PPP1R9B: variants seen among roughly 807,000 people sequenced by gnomAD.
PPP1R9B encodes protein phosphatase 1 regulatory subunit 9B, also known as neurabin-2.
PPP1R9B carries 17 observed loss-of-function variants against 75.8 expected under a neutral mutation model. That is an observed-to-expected ratio of 0.22 (90% confidence interval 0.15 to 0.34). The LOEUF (loss-of-function observed/expected upper bound fraction) is 0.34. Ranked by LOEUF, PPP1R9B falls within the 10% of genes least tolerant of loss-of-function variation. The pLI, the probability that PPP1R9B is intolerant of heterozygous loss-of-function variation, is 1.00. For synonymous variants in PPP1R9B, 509 were observed against 535.4 expected, an observed-to-expected ratio of 0.95 and a Z score of 0.68; for missense variants, 875 against 1,196.0, an observed-to-expected ratio of 0.73 and a Z score of 3.96.
At chr17:50,135,834 C>T (rs1043451887) in intron 8 of PPP1R9B, 134 bp downstream of exon 8, 12 of 883,708 alleles carry the variant, frequency 1.4e-5, no homozygotes, top group South Asian at 1.0e-4. Context: ...CTGGTCATTC[C>T]GGACCGGGTG....
Position 50,139,114 on chromosome 17 carries a change from C to T in PPP1R9B, c.2073+149G>A, listed in dbSNP as rs893992217. ...GATCCAGAGCTTAAGCTCTTAATAT[C>T]GTATCTATCATATCATCTTGCTTTA... On this transcript the variant is annotated intron_variant, in intron 7 of 9. Transcript: ENST00000612501. The surrounding 1 kb of genome is among the most constrained non-coding windows in gnomAD (Gnocchi z 5.0). The T allele has an allele frequency of 3.4e-5, 29 of 845,468 alleles. No homozygotes were observed. The highest frequency in any genetic ancestry group is 1.4e-4 in the South Asian group (9 of 66,492). 52.4% of individuals were successfully genotyped at this position (845,468 alleles called of 1,614,324 possible).
In PPP1R9B at chr17:50,149,222, C is replaced by A; in HGVS notation, c.1292G>T (p.Cys431Phe). The change falls in exon 1 of 10, where the codon TGC becomes TTC. Residue 431 changes from cysteine to phenylalanine, a missense_variant. Around this residue, in one of 4 missense-constraint regions of PPP1R9B, gnomAD observed 449 missense variants for 475.0 expected, o/e 0.95. Transcript: ENST00000612501. The surrounding 1 kb of genome is among the most constrained non-coding windows in gnomAD (Gnocchi z 7.2). ...CTCCGACAGCCCCGGGATCTCCACG[C>A]ACCCCGACTCGGGCTCGTAGGGGGG... ...GEPPYEPESG[C>F]VEIPGLSEEE... The A allele has an allele frequency of 6.2e-7, 1 of 1,609,438 alleles. No homozygotes were observed. The highest frequency in any genetic ancestry group is 8.5e-7 in the Non-Finnish European group (1 of 1,178,216).
Position 50,134,988 on chromosome 17 carries a change from G to T in PPP1R9B, c.*343C>A. The T allele has an allele frequency of 3.2e-6, 1 of 313,532 alleles. No homozygotes were observed. The highest frequency in any genetic ancestry group is 4.0e-5 in the South Asian group (1 of 25,204). 19.4% of individuals were successfully genotyped at this position (313,532 alleles called of 1,614,324 possible). A position where few individuals can be genotyped will look rare whatever the true frequency, so the allele number is the denominator to read the frequency against. ...AGAGCCCCAGCCCCGTTCCAGTCCA[G>T]AGACAAAAGCTGGAGTGTGTAAAGT... On this transcript the variant is annotated 3_prime_UTR_variant, in exon 10 of 10. Coordinates refer to ENST00000612501, the MANE Select transcript of PPP1R9B (RefSeq NM_032595.5).
At position 50,135,289 on chromosome 17, in the gene PPP1R9B, G is replaced by A; in HGVS notation, c.*42C>T. 3 of 1,549,098 alleles carry A rather than the reference G, an allele frequency of 1.9e-6. No homozygotes were observed. Among genetic ancestry groups the A allele is most frequent in the Non-Finnish European group, 1.8e-6 (2 of 1,122,126 alleles). ...TTGAGGACAGGGGAGGGAGGACAATGGGAGGGGGGTTAATTATTGTCCAGT... is the reference window on the plus strand; with the variant it reads ...TTGAGGACAGGGGAGGGAGGACAATAGGAGGGGGGTTAATTATTGTCCAGT... On this transcript the variant is annotated 3_prime_UTR_variant, in exon 10 of 10. Transcript: ENST00000612501.
rs907330241 is a variant in PPP1R9B, at chr17:50,134,202, G to T, written c.*1129C>A. ...CCTCCCTTGGTCCAAGCCCCAATTT[G>T]GGGTTAAAGTGGGGAAACAGAGTCG... On this transcript the variant is annotated 3_prime_UTR_variant, in exon 10 of 10. Coordinates refer to ENST00000612501, the MANE Select transcript of PPP1R9B (RefSeq NM_032595.5). 3.9e-5 allele frequency: 6 copies of T among 152,642 alleles called. No homozygotes were observed. The highest frequency in any genetic ancestry group is 1.4e-4 in the African/African-American group (6 of 41,448). 9.5% of individuals were successfully genotyped at this position (152,642 alleles called of 1,614,324 possible).
At position 50,139,539 on chromosome 17, in the gene PPP1R9B, T is replaced by G; in HGVS notation, c.1909A>C (p.Thr637Pro). ...ATDEDEELSP[T>P]FPGGEMAIEV... ...ATGGCCATCTCACCACCCGGGAACGTGGGGCTCAGCTCCTCATCCTCGTCA... is the reference window on the plus strand; with the variant it reads ...ATGGCCATCTCACCACCCGGGAACGGGGGGCTCAGCTCCTCATCCTCGTCA... The change falls in exon 6 of 10, where the codon ACG becomes CCG. Residue 637 changes from threonine (T) to proline (P), a missense_variant. Physicochemically the swap from Thr to Pro is conservative, Grantham distance 38. Transcript: ENST00000612501. The surrounding 1 kb of genome is among the most constrained non-coding windows in gnomAD (Gnocchi z 5.0). 2 of 1,591,120 alleles carry G rather than the reference T, an allele frequency of 1.3e-6. No homozygotes were observed. Among genetic ancestry groups the G allele is most frequent in the Non-Finnish European group, 1.7e-6 (2 of 1,167,210 alleles).
At chr17:50,148,028 A>G (rs1460035694) in intron 1 of PPP1R9B, among the ~76,000 whole-genome samples, 5 of 151,558 alleles carry the variant, frequency 3.3e-5, no homozygotes, top group Non-Finnish European at 5.9e-5. Context: ...CATGGGGCGG[A>G]CCTGGGGCCG....
Position 50,149,194 on chromosome 17 carries a change from C to T in PPP1R9B, c.1320G>A (p.Glu440=). The change falls in exon 1 of 10, where the codon GAG becomes GAA. Residue 440 remains glutamate (E), a synonymous_variant. Coordinates refer to ENST00000612501, the MANE Select transcript of PPP1R9B (RefSeq NM_032595.5). This position sits in a 1 kb window ranked among gnomAD's most constrained non-coding sequence, Gnocchi z 7.2. The part of the protein sequence containing the change: ...GCVEIPGLSE[E]EDPAPSRKIH... ...TCTTCCGGCTCGGGGCTGGGTCCTC[C>T]TCCTCCGACAGCCCCGGGATCTCCA... 1.3e-6 allele frequency: 2 copies of T among 1,592,714 alleles called. No individual in the cohort carries two copies. The highest frequency in any genetic ancestry group is 1.7e-6 in the Non-Finnish European group (2 of 1,170,242).
rs1912401207 is a variant in PPP1R9B, at chr17:50,142,127, T to C, written c.1626-754A>G. Among the ~76,000 whole-genome samples the C allele has an allele frequency of 6.6e-6, 1 of 152,164 alleles. No individual in the cohort carries two copies. The highest frequency in any genetic ancestry group is 2.4e-5 in the African/African-American group (1 of 41,436). On this transcript the variant is annotated intron_variant, in intron 3 of 9. Transcript: ENST00000612501. The surrounding 1 kb of genome is among the most constrained non-coding windows in gnomAD (Gnocchi z 4.1). ...CACACACACCTGATACAGGTGCACCTGCCGACACACTCCAGTTGTGTCCCC... is the reference window on the plus strand; with the variant it reads ...CACACACACCTGATACAGGTGCACCCGCCGACACACTCCAGTTGTGTCCCC...
rs1460453029 is a variant in PPP1R9B, at chr17:50,150,184, C to T, written c.330G>A (p.Leu110=). The T allele has an allele frequency of 6.9e-7, 1 of 1,457,748 alleles. No homozygotes were observed. The highest frequency in any genetic ancestry group is 3.1e-5 in the East Asian group (1 of 32,452). The allele number at this position is 1,457,748 out of a possible 1,614,324, so 90.3% of individuals were successfully genotyped here. A position where few individuals can be genotyped will look rare whatever the true frequency, so the allele number is the denominator to read the frequency against. ...CCGACACGCTGGTGCCCAGCTTCAG[C>T]AGGGCGCTGTGGTCCACGTTCTCGT... ...SLNENVDHSA[L]LKLGTSVSER... is the part of the protein sequence containing the mutation. Residue 110 remains leucine (L), a synonymous_variant, in exon 1 of 10, where the codon CTG becomes CTA. Coordinates refer to ENST00000612501, the MANE Select transcript of PPP1R9B (RefSeq NM_032595.5). This position sits in a 1 kb window ranked among gnomAD's most constrained non-coding sequence, Gnocchi z 8.7.
intron 4 of PPP1R9B, 75 bp from the exon 5 acceptor site, chr17:50,140,303 C>G: frequency 6.6e-7 from 1 of 1,514,764 alleles, no homozygotes; most frequent in Non-Finnish European, 8.9e-7. Context: ...CTGATGCTCC[C>G]CTCTCCAAAC....
At position 50,139,678 on chromosome 17, in the gene PPP1R9B, G is replaced by A; in HGVS notation, c.1867-97C>T. 1.4e-6 allele frequency: 2 copies of A among 1,383,588 alleles called. No individual in the cohort carries two copies. Among genetic ancestry groups the A allele is most frequent in the South Asian group, 2.8e-5 (2 of 70,440 alleles). The allele number at this position is 1,383,588 out of a possible 1,614,324, so 85.7% of individuals were successfully genotyped here. Reference sequence around the variant, plus strand: ...ACCAGTTGCCCATGCCAGACAGAGAGCTACCCAGGAATGTGGTTCATGCCT... The same window carrying A: ...ACCAGTTGCCCATGCCAGACAGAGAACTACCCAGGAATGTGGTTCATGCCT... On this transcript the variant is annotated intron_variant, in intron 5 of 9. Transcript: ENST00000612501. The surrounding 1 kb of genome is among the most constrained non-coding windows in gnomAD (Gnocchi z 5.0).
intron 4 of PPP1R9B, 80 bp from the exon 5 acceptor site, chr17:50,140,308 C>T (rs989675006): frequency 7.1e-5 from 107 of 1,508,970 alleles, no homozygotes; most frequent in Non-Finnish European, 3.4e-5. Context: ...GCTCCCCTCT[C>T]CAAACTCAGG....
At chr17:50,144,365 T>A (rs936022701) in intron 2 of PPP1R9B, among the ~76,000 whole-genome samples, 4 of 152,110 alleles carry the variant, frequency 2.6e-5, no homozygotes, top group Non-Finnish European at 4.4e-5. Context: ...ATCTTTCCAG[T>A]CCACCCACAC....
Position 50,149,901 on chromosome 17 carries a change from A to G in PPP1R9B, c.613T>C (p.Ser205Pro). The change falls in exon 1 of 10, where the codon TCC (serine) becomes CCC (proline). Residue 205 changes from serine (S) to proline (P), a missense_variant. Coordinates refer to ENST00000612501, the MANE Select transcript of PPP1R9B (RefSeq NM_032595.5). The surrounding 1 kb of genome is among the most constrained non-coding windows in gnomAD (Gnocchi z 7.2). ...ALDKLDADAV[S>P]PTVSQLSAVF... ...GCGCTGAGCTGGCTGACCGTGGGGG[A>G]CACGGCGTCAGCGTCCAGCTTGTCC... 4.6e-6 allele frequency: 7 copies of G among 1,506,552 alleles called. No homozygotes were observed. Among genetic ancestry groups the G allele is most frequent in the Admixed American group, 4.2e-5 (2 of 47,758 alleles). The allele number at this position is 1,506,552 out of a possible 1,614,324, so 93.3% of individuals were successfully genotyped here.
At chr17:50,138,813 T>G (rs562792574) in intron 7 of PPP1R9B, among the ~76,000 whole-genome samples, 1 of 152,136 alleles carries the variant, frequency 6.6e-6, no homozygotes, top group Non-Finnish European at 1.5e-5. Flanking sequence ...TTTGTAGAGA[T>G]AGGTTTTCGC....
Position 50,149,385 on chromosome 17 carries a change from C to T in PPP1R9B, c.1129G>A (p.Glu377Lys). 2 of 1,613,122 alleles carry T rather than the reference C, an allele frequency of 1.2e-6. No individual in the cohort carries two copies. The highest frequency in any genetic ancestry group is 1.3e-5 in the African/African-American group (1 of 75,042). ...TCCTTCTTGGATTCATCTACCTCCT[C>T]AGGGGCCACGTCCGGGGCCCGGCCA... is the stretch of plus-strand genomic sequence containing the variant. The part of the protein sequence containing the change: ...GNGRAPDVAP[E>K]EVDESKKEDF... The change falls in exon 1 of 10, where the codon GAG (glutamate) becomes AAG (lysine). Residue 377 changes from glutamate to lysine, a missense_variant. Glu to Lys is a moderately conservative substitution (Grantham distance 56). Around this residue, in one of 4 missense-constraint regions of PPP1R9B, gnomAD observed 449 missense variants for 475.0 expected, o/e 0.95. Transcript: ENST00000612501. This position sits in a 1 kb window ranked among gnomAD's most constrained non-coding sequence, Gnocchi z 7.2.
intron 3 of PPP1R9B, among the ~76,000 whole-genome samples, chr17:50,141,662 C>CA (rs398058762): frequency 0.26 from 22,596 of 85,282 alleles, 2,055 homozygotes; most frequent in Middle Eastern, 0.46. Flanking sequence ...GACCCTGCCT[C>CA]AAAAAAAAAA....
chr17:50,145,065 G>A (rs770588384), intron 2 of PPP1R9B, 48 bp downstream of exon 2: 18 of 1,602,018 alleles, frequency 1.1e-5, no homozygotes, highest in Middle Eastern at 1.7e-4. Flanking sequence ...GATGAGACCC[G>A]GGTCAACCCC....
Sources: gnomAD v4.1 joint callset for allele counts (sites outside exome capture counted in the v4.1 genomes callset) on GRCh38, gnomAD v4.1.1 for gene constraint, gnomAD v4.1.1 regional missense constraint, Gnocchi (gnomAD v3.1) non-coding constraint, MANE v1.5 for transcripts, NCBI Gene and HGNC (gene_info 2026-07-23, HGNC 2026-07-21) for gene names.